The following CACNB4 variants were observed in gnomAD, a reference collection of about 807,000 sequenced individuals.
CACNB4 encodes voltage-dependent L-type calcium channel subunit beta-4.
CACNB4 carries 32 observed loss-of-function variants against 71.2 expected under a neutral mutation model. That is an observed-to-expected ratio of 0.45 (90% CI 0.34 to 0.60). CACNB4 has a LOEUF of 0.60. CACNB4 is among the 20% of genes least tolerant of loss of function. The pLI is 0.01. For synonymous variants in CACNB4, 231 were observed against 236.9 expected, an observed-to-expected ratio of 0.97 and a Z score of 0.23; for missense variants, 464 against 647.9, an observed-to-expected ratio of 0.72 and a Z score of 3.08.
At chr2:151,849,278 T>A (rs979745467) in intron 12 of CACNB4, among the ~76,000 whole-genome samples, 1 of 152,176 alleles carries the variant, frequency 6.6e-6, no homozygotes, top group African/African-American at 2.4e-5. Flanking sequence ...TTTTTTCTTT[T>A]AAGAGACAAT....
At chr2:152,011,159 C>T (rs1560130065) in intron 2 of CACNB4, among the ~76,000 whole-genome samples, 1 of 152,188 alleles carries the variant, frequency 6.6e-6, no homozygotes, top group Non-Finnish European at 1.5e-5. Context: ...TGCATCTGTA[C>T]AGGTGAGAGC....
At position 151,895,096 on chromosome 2, in the gene CACNB4, C is replaced by CCCCACACA. The variant is rs762464510; in HGVS notation, c.148-11727_148-11726insTGTGTGGG. ...ATATGGAACCAGAACTCAAATAGCC[C>CCCCACACA]CACACACACACACACACACACACAC... On this transcript the variant is annotated intron_variant, in intron 2 of 13. Coordinates refer to ENST00000539935, the MANE Select transcript of CACNB4 (RefSeq NM_000726.5). 3.7e-3 allele frequency among the ~76,000 whole-genome samples: 83 copies of CCCCACACA among 22,336 alleles called. 2 individuals carry two copies. Among genetic ancestry groups the CCCCACACA allele is most frequent in the Non-Finnish European group, 0.016 (59 of 3,676 alleles). 14.7% of individuals were successfully genotyped at this position (22,336 alleles called of 152,430 possible).
At chr2:152,013,877 G>A (rs950037859) in intron 2 of CACNB4, among the ~76,000 whole-genome samples, 1 of 152,198 alleles carries the variant, frequency 6.6e-6, no homozygotes, top group African/African-American at 2.4e-5. Flanking sequence ...CCATATGGAT[G>A]AAATGCTTCT....
chr2:152,003,926 C>G (rs1230818794), intron 2 of CACNB4, among the ~76,000 whole-genome samples: 3 of 152,034 alleles, frequency 2.0e-5, no homozygotes, highest in Non-Finnish European at 4.4e-5. Flanking sequence ...CTCACTGCAG[C>G]CTTAAACTTC....
chr2:152,098,251 G>A lies in CACNB4; in HGVS notation c.147+79C>T. On this transcript the variant is annotated intron_variant, in intron 2 of 13. Coordinates refer to ENST00000539935, the MANE Select transcript of CACNB4 (RefSeq NM_000726.5). The surrounding 1 kb of genome is among the most constrained non-coding windows in gnomAD (Gnocchi z 5.3). ...CTTGACCCGCAGCTCCCGCACGTGT[G>A]GGCCACGGCCGGCTCCAGGACCCCC... 1 of 1,150,564 alleles carries A rather than the reference G, an allele frequency of 8.7e-7. No homozygotes were observed. 71.3% of individuals were successfully genotyped at this position (1,150,564 alleles called of 1,614,324 possible).
At chr2:151,954,071 C>T (rs1338586043) in intron 2 of CACNB4, among the ~76,000 whole-genome samples, 1 of 152,210 alleles carries the variant, frequency 6.6e-6, no homozygotes, top group Non-Finnish European at 1.5e-5. Context: ...GATACAAGGA[C>T]ACATACCTGT....
intron 3 of CACNB4, among the ~76,000 whole-genome samples, chr2:151,881,379 T>C (rs990867256): frequency 1.3e-5 from 2 of 152,204 alleles, no homozygotes; most frequent in Admixed American, 1.3e-4. Context: ...TGTGGGATTC[T>C]ATACAACAGA....
In CACNB4 at chr2:152,081,672, C is replaced by T. The variant is rs772030355; in HGVS notation, c.147+16658G>A. ...CATAGGGGCCCTACCCTCAAAATCT[C>T]ATCTAAACCTAATTACCTCCCAAAG... On this transcript the variant is annotated intron_variant, in intron 2 of 13. Coordinates refer to ENST00000539935, the MANE Select transcript of CACNB4 (RefSeq NM_000726.5). Among the ~76,000 whole-genome samples, 6 of 152,104 alleles carry T rather than the reference C, an allele frequency of 3.9e-5. 1 individual carries two copies. The highest frequency in any genetic ancestry group is 3.9e-4 in the Admixed American group (6 of 15,258).
intron 2 of CACNB4, among the ~76,000 whole-genome samples, chr2:151,919,281 G>C (rs2099858323): frequency 6.6e-6 from 1 of 152,072 alleles, no homozygotes; most frequent in African/African-American, 2.4e-5. Context: ...ATCCAGGCTG[G>C]AGTACTGTGG....
chr2:152,030,724 T>G (rs1684239957), intron 2 of CACNB4, among the ~76,000 whole-genome samples: 1 of 152,242 alleles, frequency 6.6e-6, no homozygotes, highest in Admixed American at 6.5e-5. Context: ...TGCAATAGTT[T>G]GCTGAGAATG....
At chr2:151,894,274 T>C (rs1429529768) in intron 2 of CACNB4, among the ~76,000 whole-genome samples, 1 of 152,240 alleles carries the variant, frequency 6.6e-6, no homozygotes, top group African/African-American at 2.4e-5. Context: ...GATGCAAGGA[T>C]GATTCAACAT....
At position 151,869,190 on chromosome 2, in the gene CACNB4, T is replaced by C; in HGVS notation, c.745A>G (p.Arg249Gly). The change falls in exon 9 of 14, where the codon AGG (arginine) becomes GGG (glycine). Residue 249 changes from arginine to glycine, a missense_variant. Physicochemically the swap from Arg to Gly is moderately radical, Grantham distance 125. This residue lies in a region of CACNB4 where 299 missense variants were observed against 471.7 expected (regional missense o/e 0.63). Transcript: ENST00000539935. ...TATATTTCTCACCTCCCATCAAACCTGTGCTTCAGGAAATCAAAGAGGGCT... is the reference window on the plus strand; with the variant it reads ...TATATTTCTCACCTCCCATCAAACCCGTGCTTCAGGAAATCAAAGAGGGCT... ...QKALFDFLKH[R>G]FDGRISITRV... 6.4e-7 allele frequency: 1 copy of C among 1,565,240 alleles called. No homozygotes were observed. Among genetic ancestry groups the C allele is most frequent in the Non-Finnish European group, 8.7e-7 (1 of 1,150,104 alleles).
intron 2 of CACNB4, among the ~76,000 whole-genome samples, chr2:152,018,414 A>AAAT (rs915871494): frequency 3.3e-5 from 5 of 152,098 alleles, no homozygotes; most frequent in Non-Finnish European, 5.9e-5. Context: ...AACGTGGTAA[A>AAAT]AATAATAATA....
chr2:151,861,856 A>AAAAAAAAAAAAG (rs1484471599), intron 9 of CACNB4: 1 of 151,698 alleles, frequency 6.6e-6, no homozygotes, highest in Non-Finnish European at 1.5e-5. Context: ...AAAAAAAAAA[A>AAAAAAAAAAAAG]AACTGAAGAA....
Position 151,919,924 on chromosome 2 carries a change from C to T in CACNB4, c.148-36554G>A, listed in dbSNP as rs142489781. Among the ~76,000 whole-genome samples, 804 of 152,270 alleles carry T rather than the reference C, an allele frequency of 5.3e-3. 6 individuals carry two copies. The highest frequency in any genetic ancestry group is 8.3e-3 in the Non-Finnish European group (566 of 68,026). On this transcript the variant is annotated intron_variant, in intron 2 of 13. Transcript: ENST00000539935. ...TAGAATATATCTTGGAAAGTTCAGA[C>T]GAGACTCACTTCCTAAATAGCTCAT...
chr2:152,056,194 C>G (rs1278788917), intron 2 of CACNB4, among the ~76,000 whole-genome samples: 3 of 151,952 alleles, frequency 2.0e-5, no homozygotes, highest in Non-Finnish European at 4.4e-5. Flanking sequence ...AACCCCGTCT[C>G]TACTAAAAAT....
chr2:152,022,820 T>C (rs531745278), intron 2 of CACNB4, among the ~76,000 whole-genome samples: 5 of 152,310 alleles, frequency 3.3e-5, no homozygotes, highest in South Asian at 2.1e-4. Flanking sequence ...TCCTACTTGA[T>C]CATGTACAGG....
chr2:151,910,379 T>C (rs964136020), intron 2 of CACNB4, among the ~76,000 whole-genome samples: 5 of 152,070 alleles, frequency 3.3e-5, no homozygotes, highest in Non-Finnish European at 7.4e-5. Flanking sequence ...TAATTACCTA[T>C]GCCTATGTCC....
At chr2:151,960,964 G>A (rs1158611886) in intron 2 of CACNB4, among the ~76,000 whole-genome samples, 1 of 152,142 alleles carries the variant, frequency 6.6e-6, no homozygotes, top group African/African-American at 2.4e-5. Context: ...AGTAGCCAAA[G>A]TTGATTTTTA....
Sources: allele counts gnomAD v4.1 joint callset (sites outside exome capture counted in the v4.1 genomes callset), GRCh38; gene constraint gnomAD v4.1.1; regional missense constraint gnomAD v4.1.1; non-coding constraint Gnocchi (gnomAD v3.1); transcripts MANE v1.5; gene names NCBI Gene and HGNC (gene_info 2026-07-23, HGNC 2026-07-21).